PHACTR3: variants seen among roughly 807,000 people sequenced by gnomAD.
PHACTR3 encodes the protein protein phosphatase 1, regulatory subunit 123.
PHACTR3 carries 16 observed loss-of-function variants against 66.8 expected under a neutral mutation model. The observed-to-expected ratio is 0.24, with a 90% CI of 0.16 to 0.36. The LOEUF (loss-of-function observed/expected upper bound fraction) is 0.36, where lower values mean the gene tolerates loss of function less well. PHACTR3 is among the 10% of genes least tolerant of loss of function. The pLI is 1.00. For synonymous variants in PHACTR3, 323 were observed against 292.1 expected (o/e 1.11, Z -1.08); for missense variants, 647 against 719.9 (o/e 0.90, Z 1.16).
chr20:59,642,830 T>C (rs1370642537), intron 1 of PHACTR3, among the ~76,000 whole-genome samples: 1 of 152,178 alleles, frequency 6.6e-6, no homozygotes, highest in African/African-American at 2.4e-5. Flanking sequence ...CCTGCCAACA[T>C]TGGGGCGTTT....
rs112735876 is a variant in PHACTR3 at position 59,629,540 on chromosome 20, G to A, written c.118+24408G>A. On this transcript the variant is annotated intron_variant, in intron 1 of 12. Coordinates refer to ENST00000371015, the MANE Select transcript of PHACTR3 (RefSeq NM_080672.5). Reference sequence around the variant, plus strand: ...TCTGAGGGCTGTGAGGGCAGGACCCGTCCCAGGACTCTCTCTGTGGCTGTG... The same window carrying A: ...TCTGAGGGCTGTGAGGGCAGGACCCATCCCAGGACTCTCTCTGTGGCTGTG... 2.7e-3 allele frequency among the ~76,000 whole-genome samples: 407 copies of A among 152,270 alleles called. 2 individuals are homozygous for A. The highest frequency in any genetic ancestry group is 9.0e-3 in the African/African-American group (375 of 41,560).
At chr20:59,634,451 G>C (rs2146401164) in intron 1 of PHACTR3, among the ~76,000 whole-genome samples, 1 of 152,314 alleles carries the variant, frequency 6.6e-6, no homozygotes, top group South Asian at 2.1e-4. Flanking sequence ...GGTTAGGAGT[G>C]TTGGCCGTGA....
At position 59,677,484 on chromosome 20, in the gene PHACTR3, A is replaced by G. The variant is rs369605509; in HGVS notation, c.119-65623A>G. On this transcript the variant is annotated intron_variant, in intron 1 of 12. Coordinates refer to ENST00000371015, the MANE Select transcript of PHACTR3 (RefSeq NM_080672.5). ...TCTGGAGTTGGGGCCCAAGAAGGCG[A>G]TGGAGAAGTGAATTCTAATTCACAG... 3.9e-5 allele frequency among the ~76,000 whole-genome samples: 6 copies of G among 152,308 alleles called. No homozygotes were observed. In the East Asian group the frequency reaches 9.6e-4, roughly 24 times the overall value.
At chr20:59,745,950 C>T (rs950548873) in intron 2 of PHACTR3, among the ~76,000 whole-genome samples, 3 of 152,190 alleles carry the variant, frequency 2.0e-5, no homozygotes, top group African/African-American at 4.8e-5. Context: ...CCATGAGCAC[C>T]GCCTGGTGCC....
At chr20:59,619,938 G>C (rs933052793) in intron 1 of PHACTR3, among the ~76,000 whole-genome samples, 3 of 152,164 alleles carry the variant, frequency 2.0e-5, no homozygotes, top group Admixed American at 6.5e-5. Flanking sequence ...GAGGCCGCAG[G>C]AGGAGTGGCC....
intron 3 of PHACTR3, among the ~76,000 whole-genome samples, chr20:59,752,454 A>G (rs372954315): frequency 6.7e-6 from 1 of 148,784 alleles, no homozygotes; most frequent in Non-Finnish European, 1.5e-5. Context: ...CCCCTCCCCA[A>G]CCAGCGTTTC....
At chr20:59,605,473 C>T (rs1600898431) in intron 1 of PHACTR3, among the ~76,000 whole-genome samples, 1 of 152,218 alleles carries the variant, frequency 6.6e-6, no homozygotes, top group Admixed American at 6.5e-5. Flanking sequence ...CGCCCAGCGC[C>T]GGTTCTGGGC....
At chr20:59,579,219 A>C (rs1343977003) in intron 1 of PHACTR3, among the ~76,000 whole-genome samples, 1 of 152,330 alleles carries the variant, frequency 6.6e-6, no homozygotes, top group East Asian at 1.9e-4. Context: ...GTAATTACGC[A>C]ACTCCTCACC....
intron 7 of PHACTR3, among the ~76,000 whole-genome samples, chr20:59,792,016 C>A (rs1273428056): frequency 6.6e-6 from 1 of 152,152 alleles, no homozygotes; most frequent in Non-Finnish European, 1.5e-5. Context: ...GCCTCCTCTT[C>A]TTTGTCCCTT....
Position 59,604,588 on chromosome 20 carries a change from C to T in PHACTR3, c.-427C>T, listed in dbSNP as rs74513737. The T allele has an allele frequency of 1.2e-6, 1 of 824,384 alleles. No individual in the cohort carries two copies. The highest frequency in any genetic ancestry group is 2.8e-5 in the African/African-American group (1 of 36,246). 51.1% of individuals were successfully genotyped at this position (824,384 alleles called of 1,614,324 possible). The stretch of plus-strand genomic sequence containing the variant: ...AAGATTCTTCCTTTTCCCTTTTTTC[C>T]TGGGGGGGTGGGGGGTGGGGTGGGG... On this transcript the variant is annotated 5_prime_UTR_variant, in exon 1 of 13. Coordinates refer to ENST00000371015, the MANE Select transcript of PHACTR3 (RefSeq NM_080672.5).
At chr20:59,777,358 C>T (rs1296180754) in intron 7 of PHACTR3, among the ~76,000 whole-genome samples, 1 of 152,190 alleles carries the variant, frequency 6.6e-6, no homozygotes, top group Non-Finnish European at 1.5e-5. Context: ...CCCCTTTCAA[C>T]CCCCTGATTC....
intron 1 of PHACTR3, among the ~76,000 whole-genome samples, chr20:59,689,045 A>G (rs1477310135): frequency 6.6e-6 from 1 of 152,010 alleles, no homozygotes; most frequent in African/African-American, 2.4e-5. Context: ...GCCTGGCTTC[A>G]TTCTTTCTCT....
chr20:59,692,438 C>T (rs1353754504), intron 1 of PHACTR3, among the ~76,000 whole-genome samples: 3 of 152,146 alleles, frequency 2.0e-5, no homozygotes, highest in Non-Finnish European at 4.4e-5. Flanking sequence ...GGGGCCTGGG[C>T]TTGTGGTTTG....
intron 1 of PHACTR3, among the ~76,000 whole-genome samples, chr20:59,638,990 A>G (rs2035002117): frequency 7.1e-6 from 1 of 141,328 alleles, no homozygotes; most frequent in Admixed American, 7.3e-5. Flanking sequence ...GGCTAGGTAG[A>G]CATACCAGTG....
intron 5 of PHACTR3, among the ~76,000 whole-genome samples, chr20:59,769,625 G>GC (rs1369532824): frequency 1.3e-5 from 2 of 152,234 alleles, no homozygotes; most frequent in African/African-American, 2.4e-5. Context: ...CTAACCACCT[G>GC]CCCCCCAGAC....
At chr20:59,693,453 A>G (rs2037181983) in intron 1 of PHACTR3, among the ~76,000 whole-genome samples, 1 of 152,114 alleles carries the variant, frequency 6.6e-6, no homozygotes, top group Non-Finnish European at 1.5e-5. Context: ...ACATCTATTC[A>G]TGTGCTCTCA....
At chr20:59,588,190 C>G (rs942826615) in intron 1 of PHACTR3, among the ~76,000 whole-genome samples, 1 of 152,186 alleles carries the variant, frequency 6.6e-6, no homozygotes, top group African/African-American at 2.4e-5. Flanking sequence ...TTAAACAGCA[C>G]ATAAACTCAT....
At chr20:59,660,866 C>T (rs1033601272) in intron 1 of PHACTR3, among the ~76,000 whole-genome samples, 8 of 152,188 alleles carry the variant, frequency 5.3e-5, no homozygotes. Context: ...TTGCCTTTGC[C>T]TATGAAAAGT....
intron 3 of PHACTR3, among the ~76,000 whole-genome samples, chr20:59,753,964 C>T (rs975020312): frequency 2.6e-5 from 4 of 152,320 alleles, no homozygotes; most frequent in East Asian, 1.9e-4. Context: ...AGGAGGTCAG[C>T]GTAGGCTAGC....
Sources: gnomAD v4.1 joint callset for allele counts (sites outside exome capture counted in the v4.1 genomes callset) on GRCh38, gnomAD v4.1.1 for gene constraint, MANE v1.5 for transcripts, NCBI Gene and HGNC (gene_info 2026-07-23, HGNC 2026-07-21) for gene names.